MAP3K8: variants seen among roughly 807,000 people sequenced by gnomAD.
The protein encoded by MAP3K8 is Ewing sarcoma transformant.
A neutral mutation model predicts 45.8 loss-of-function variants in MAP3K8; 22 were observed. That is an observed-to-expected ratio of 0.48 (90% CI 0.34 to 0.69). The LOEUF (loss-of-function observed/expected upper bound fraction) is 0.69. MAP3K8 is among the 30% of genes least tolerant of loss of function. The pLI is 0.01. For missense variants in MAP3K8, 419 were observed against 585.0 expected (o/e 0.72, Z 2.93); for synonymous variants, 223 against 214.3 (o/e 1.04, Z -0.36).
chr10:30,437,036 C>T, intron 1 of MAP3K8, 140 bp from the exon 2 acceptor site: 1 of 261,448 alleles, frequency 3.8e-6, no homozygotes, highest in South Asian at 1.4e-4. Flanking sequence ...GAACCTGAAT[C>T]ACAATCTCCC....
chr10:30,449,081 A>G (rs1836445838), intron 4 of MAP3K8, among the ~76,000 whole-genome samples: 1 of 152,214 alleles, frequency 6.6e-6, no homozygotes, highest in South Asian at 2.1e-4. Context: ...CAGACACGAA[A>G]TGAGATCTAC....
chr10:30,460,717 A>C lies in MAP3K8; in HGVS notation c.1285A>C (p.Thr429Pro), dbSNP rs374109727. 148 of 1,607,338 alleles carry C rather than the reference A, an allele frequency of 9.2e-5. No homozygotes were observed. The East Asian group carries it at 3.3e-3, about 35-fold the overall frequency. The part of the protein sequence containing the change: ...LPENIADSSC[T>P]GSTEESEMLK... ...GTTTTCCTTTTCAGATTCTTCGTGC[A>C]CAGGAAGCACCGAGGAATCTGAGAT... The change falls in exon 9 of 9, where the codon ACA (threonine) becomes CCA (proline). Residue 429 changes from threonine to proline, a missense_variant. Physicochemically the swap from Thr to Pro is conservative, Grantham distance 38 (BLOSUM62 -1). Around this residue, in one of 3 missense-constraint regions of MAP3K8, gnomAD observed 108 missense variants for 124.2 expected, o/e 0.87. Transcript: ENST00000263056.
chr10:30,456,597 T>C (rs1315122662), intron 6 of MAP3K8, among the ~76,000 whole-genome samples: 1 of 152,232 alleles, frequency 6.6e-6, no homozygotes, highest in African/African-American at 2.4e-5. Flanking sequence ...AGCGAAATAC[T>C]GATAATCAGG....
chr10:30,461,466 A>G lies in MAP3K8; in HGVS notation c.*630A>G, dbSNP rs3802631. Reference sequence around the variant, plus strand: ...GGAAACATTTTATACTGTACATGCTATGCTGAAGACATTCAAAACGTGATG... The same window carrying G: ...GGAAACATTTTATACTGTACATGCTGTGCTGAAGACATTCAAAACGTGATG... On this transcript the variant is annotated 3_prime_UTR_variant, in exon 9 of 9. Coordinates refer to ENST00000263056, the MANE Select transcript of MAP3K8 (RefSeq NM_005204.4). 2.5e-3 allele frequency: 486 copies of G among 197,394 alleles called. 9 individuals are homozygous for G. The East Asian group carries it at 0.034, about 14-fold the overall frequency. 12.2% of individuals were successfully genotyped at this position (197,394 alleles called of 1,614,324 possible).
chr10:30,460,572 G>C (rs1371772763), intron 8 of MAP3K8, 134 bp from the exon 9 acceptor site: 7 of 669,816 alleles, frequency 1.0e-5, no homozygotes, highest in Non-Finnish European at 1.7e-5. Flanking sequence ...TAGCCATAGT[G>C]TTCAAAGACC....
At chr10:30,445,241 A>G (rs2132799195) in intron 3 of MAP3K8, among the ~76,000 whole-genome samples, 1 of 152,220 alleles carries the variant, frequency 6.6e-6, no homozygotes, top group African/African-American at 2.4e-5. Context: ...TACTAAAAAT[A>G]CAAAAATTAG....
intron 6 of MAP3K8, among the ~76,000 whole-genome samples, chr10:30,452,983 G>A (rs1836604605): frequency 6.6e-6 from 1 of 152,124 alleles, no homozygotes; most frequent in Non-Finnish European, 1.5e-5. Flanking sequence ...CTGGCCCACA[G>A]TTCAGCTTTA....
chr10:30,459,504 A>G lies in MAP3K8; in HGVS notation c.1273+3A>G, dbSNP rs544308184. The G allele has an allele frequency of 2.5e-6, 4 of 1,613,410 alleles. No individual in the cohort carries two copies. In the South Asian group the frequency reaches 4.4e-5, roughly 18 times the overall value. On this transcript the variant is annotated splice_donor_region_variant and intron_variant, in intron 8 of 8. Transcript: ENST00000263056. Reference sequence around the variant, plus strand: ...GGAACTTCCTGAGAACATTGCTGGTAGGGACACCCTGCTGTGTGCCGCACA... The same window carrying G: ...GGAACTTCCTGAGAACATTGCTGGTGGGGACACCCTGCTGTGTGCCGCACA...
rs539716451 is a variant in MAP3K8, at chr10:30,440,409, A to G, written c.336+1135A>G. 3.9e-4 allele frequency among the ~76,000 whole-genome samples: 60 copies of G among 152,266 alleles called. No individual in the cohort carries two copies. In the South Asian group the frequency reaches 0.012, roughly 32 times the overall value. On this transcript the variant is annotated intron_variant, in intron 3 of 8. Coordinates refer to ENST00000263056, the MANE Select transcript of MAP3K8 (RefSeq NM_005204.4). ...GTGCGGAGTCCAGAAAAAGTACTTA[A>G]TTATTTTGCTTTTTTGCATACCACA...
intron 6 of MAP3K8, among the ~76,000 whole-genome samples, chr10:30,457,023 G>T (rs1325856214): frequency 1.3e-5 from 2 of 151,962 alleles, no homozygotes; most frequent in Non-Finnish European, 2.9e-5. Flanking sequence ...GGCAGAGGTT[G>T]CAGTGAACCG....
chr10:30,436,221 C>T (rs1455213489), intron 1 of MAP3K8, among the ~76,000 whole-genome samples: 2 of 152,228 alleles, frequency 1.3e-5, no homozygotes, highest in Non-Finnish European at 2.9e-5. Flanking sequence ...AATACCTTCA[C>T]AATCTGAACT....
At chr10:30,454,565 T>TAAA (rs5784200) in intron 6 of MAP3K8, among the ~76,000 whole-genome samples, 1 of 140,416 alleles carries the variant, frequency 7.1e-6, no homozygotes, top group African/African-American at 2.7e-5. Context: ...GACCTTGTCC[T>TAAA]AAAAAAAAAA....
At chr10:30,451,940 A>G (rs1043225215) in intron 6 of MAP3K8, among the ~76,000 whole-genome samples, 196 bp downstream of exon 6, 9 of 152,022 alleles carry the variant, frequency 5.9e-5, no homozygotes, top group African/African-American at 2.2e-4. Context: ...TTTTTATTGT[A>G]TTTTTTGCTA....
At chr10:30,451,574 T>C in intron 5 of MAP3K8, 64 bp from the exon 6 acceptor site, 1 of 788,066 alleles carries the variant, frequency 1.3e-6, no homozygotes, top group Non-Finnish European at 2.1e-6. Flanking sequence ...TTTTAGATAA[T>C]GTTTTCATTT....
chr10:30,447,333 C>T (rs1174695929), intron 3 of MAP3K8, among the ~76,000 whole-genome samples: 2 of 152,206 alleles, frequency 1.3e-5, no homozygotes, highest in African/African-American at 4.8e-5. Context: ...CTTCCATGAT[C>T]ATCAGTTAAT....
At position 30,447,898 on chromosome 10, in the gene MAP3K8, G is replaced by A. The variant is rs760823756; in HGVS notation, c.453G>A (p.Lys151=). 1.1e-5 allele frequency: 18 copies of A among 1,613,380 alleles called. No homozygotes were observed. The highest frequency in any genetic ancestry group is 1.5e-5 in the Non-Finnish European group (18 of 1,179,882). The change falls in exon 4 of 9, where the codon AAG becomes AAA. Residue 151 remains lysine (K), a synonymous_variant. Coordinates refer to ENST00000263056, the MANE Select transcript of MAP3K8 (RefSeq NM_005204.4). ...SDFIPRGAFG[K]VYLAQDIKTK... ...TTATTCCTCGGGGCGCCTTTGGAAA[G>A]GTATACTTGGCACAAGATATAAAGA...
rs1373772757 is a variant in MAP3K8 at position 30,438,947 on chromosome 10, C to T, written c.9C>T (p.Tyr3=). ...CAGAAAGAGCAACAGTAATGGAGTA[C>T]ATGAGCACTGGAAGTGACAATAAAG... ME[Y]MSTGSDNKEE... The change falls in exon 3 of 9, where the codon TAC becomes TAT. Residue 3 remains tyrosine (Y), a synonymous_variant. Transcript: ENST00000263056. The T allele has an allele frequency of 1.2e-6, 2 of 1,605,474 alleles. No homozygotes were observed. The highest frequency in any genetic ancestry group is 4.5e-5 in the East Asian group (2 of 44,774).
At chr10:30,440,468 T>A (rs527814970) in intron 3 of MAP3K8, among the ~76,000 whole-genome samples, 1 of 152,168 alleles carries the variant, frequency 6.6e-6, no homozygotes. Context: ...GTAATTTAGG[T>A]CAGGTATGTA....
In MAP3K8 at chr10:30,451,702, G is replaced by A. The variant is rs373977741; in HGVS notation, c.831G>A (p.Met277Ile). Residue 277 changes from methionine to isoleucine, a missense_variant, in exon 6 of 9, where the codon ATG becomes ATA. Around this residue, in one of 3 missense-constraint regions of MAP3K8, gnomAD observed 209 missense variants for 367.3 expected, o/e 0.57. Transcript: ENST00000263056. The stretch of plus-strand genomic sequence containing the variant: ...TGGATTTTGGCCTAAGTGTTCAAAT[G>A]ACCGAAGATGTCTATTTTCCTAAGG... ...VLVDFGLSVQ[M>I]TEDVYFPKDL... 4.9e-5 allele frequency: 79 copies of A among 1,596,118 alleles called. No homozygotes were observed. The highest frequency in any genetic ancestry group is 6.6e-5 in the Non-Finnish European group (77 of 1,169,362).
Sources: gnomAD v4.1 joint callset for allele counts (sites outside exome capture counted in the v4.1 genomes callset) on GRCh38, gnomAD v4.1.1 for gene constraint, gnomAD v4.1.1 regional missense constraint, MANE v1.5 for transcripts, NCBI Gene and HGNC (gene_info 2026-07-23, HGNC 2026-07-21) for gene names.